Variants in EPHB2 observed in about 807,000 individuals in gnomAD.
The protein encoded by EPHB2 is EPH receptor B2, also known as ephrin type-B receptor 2.
EPHB2 carries 18 observed loss-of-function variants against 96.4 expected under a neutral mutation model. That is an observed-to-expected ratio of 0.19 (90% CI 0.13 to 0.28). The LOEUF (loss-of-function observed/expected upper bound fraction) is 0.28, where lower values mean the gene tolerates loss of function less well. Among genes scored for constraint, EPHB2 ranks in the 10% least tolerant of loss-of-function variants. EPHB2 has a pLI of 1.00. For missense variants in EPHB2, 989 were observed against 1,355.4 expected (o/e 0.73, Z 4.25); for synonymous variants, 506 against 534.1 (o/e 0.95, Z 0.72).
At position 22,863,205 on chromosome 1, in the gene EPHB2, G is replaced by C. The variant is rs1394171667; in HGVS notation, c.967+13G>C. On this transcript the variant is annotated intron_variant, in intron 4 of 15. Coordinates refer to ENST00000374630, the MANE Select transcript of EPHB2 (RefSeq NM_017449.5). ...ATGCCCTGCACAAGTAAGTCCTAGGGCCCCTCAAGGGCGATGGCTGGCCGA... is the reference window on the plus strand; with the variant it reads ...ATGCCCTGCACAAGTAAGTCCTAGGCCCCCTCAAGGGCGATGGCTGGCCGA... The C allele has an allele frequency of 6.2e-7, 1 of 1,614,092 alleles. No homozygotes were observed. The highest frequency in any genetic ancestry group is 1.7e-5 in the Admixed American group (1 of 60,018).
chr1:22,827,637 C>G (rs1008426185), intron 3 of EPHB2, among the ~76,000 whole-genome samples: 5 of 152,212 alleles, frequency 3.3e-5, no homozygotes, highest in Non-Finnish European at 7.3e-5. Flanking sequence ...ATTTAGGAGA[C>G]TCATGTAAAG....
chr1:22,735,111 C>T lies in EPHB2; in HGVS notation c.61+24068C>T, dbSNP rs563089879. On this transcript the variant is annotated intron_variant, in intron 1 of 15. Transcript: ENST00000374630. ...GTGGGGCATGGTGTGGGAGCATCTTCCTGAGGCTGCTGTTAAGAACAAGGA... is the reference window on the plus strand; with the variant it reads ...GTGGGGCATGGTGTGGGAGCATCTTTCTGAGGCTGCTGTTAAGAACAAGGA... Among the ~76,000 whole-genome samples the T allele has an allele frequency of 8.5e-5, 13 of 152,210 alleles. No homozygotes were observed. In the East Asian group the frequency reaches 2.5e-3, roughly 29 times the overall value.
rs1638417273 is a variant in EPHB2, at chr1:22,864,929, C to T, written c.1020C>T (p.Leu340=). The stretch of plus-strand genomic sequence containing the variant: ...TTTCCAGTGTCAATGAGACCTCCCT[C>T]ATGCTGGAGTGGACCCCTCCCCGCG... ...AVISSVNETS[L]MLEWTPPRDS... Residue 340 remains leucine (L), a synonymous_variant, in exon 5 of 16, where the codon CTC becomes CTT. Transcript: ENST00000374630. 1 of 1,607,246 alleles carries T rather than the reference C, an allele frequency of 6.2e-7. No individual in the cohort carries two copies. Among genetic ancestry groups the T allele is most frequent in the Non-Finnish European group, 8.5e-7 (1 of 1,176,690 alleles).
intron 3 of EPHB2, among the ~76,000 whole-genome samples, chr1:22,802,223 G>C (rs7530478): frequency 0.87 from 132,796 of 152,088 alleles, 58,567 homozygotes; most frequent in Non-Finnish European, 0.94. Flanking sequence ...TGATGGCCCA[G>C]TTGGGTTATT....
At position 22,895,520 on chromosome 1, in the gene EPHB2, C is replaced by T. The variant is rs1167996030; in HGVS notation, c.1640C>T (p.Ser547Phe). ...IQEKLPLIIG[S>F]SAAGLVFLIA... ...GAGAAGTTGCCACTCATCATCGGCT[C>T]CTCGGCCGCTGGCCTGGTCTTCCTC... The change falls in exon 8 of 16, where the codon TCC becomes TTC. Residue 547 changes from serine (S) to phenylalanine (F), a missense_variant. Coordinates refer to ENST00000374630, the MANE Select transcript of EPHB2 (RefSeq NM_017449.5). 2 of 1,614,148 alleles carry T rather than the reference C, an allele frequency of 1.2e-6. No homozygotes were observed. The highest frequency in any genetic ancestry group is 1.3e-5 in the African/African-American group (1 of 74,960).
intron 3 of EPHB2, among the ~76,000 whole-genome samples, chr1:22,807,227 C>G (rs1375769991): frequency 1.3e-5 from 2 of 152,204 alleles, no homozygotes; most frequent in African/African-American, 2.4e-5. Context: ...CTGACTTGGG[C>G]ACTGTAGGGT....
Position 22,896,947 on chromosome 1 carries a change from T to A in EPHB2, c.1765+469T>A, listed in dbSNP as rs116978963. ...TAGACATATTTGCAGAATAAATAAA[T>A]GAATCAAACTGAATAAATAAGATGA... On this transcript the variant is annotated intron_variant, in intron 9 of 15. Coordinates refer to ENST00000374630, the MANE Select transcript of EPHB2 (RefSeq NM_017449.5). Among the ~76,000 whole-genome samples the A allele has an allele frequency of 8.6e-4, 131 of 152,272 alleles. 1 individual carries two copies. The East Asian group carries it at 0.023, about 27-fold the overall frequency.
In EPHB2 at chr1:22,921,144, G is replaced by A. The variant is rs1640387410; in HGVS notation, c.*7574G>A. On this transcript the variant is annotated 3_prime_UTR_variant, in exon 16 of 16. Coordinates refer to ENST00000374630, the MANE Select transcript of EPHB2 (RefSeq NM_017449.5). ...CCCTGGAGCTGCTGTCAGAGCCATG[G>A]GCTGTGGGAGTGAGTGTGCACACTC... is the stretch of plus-strand genomic sequence containing the variant. 1 of 152,348 alleles carries A rather than the reference G, an allele frequency of 6.6e-6. No homozygotes were observed. Among genetic ancestry groups the A allele is most frequent in the Non-Finnish European group, 1.5e-5 (1 of 68,140 alleles). 9.4% of individuals were successfully genotyped at this position (152,348 alleles called of 1,614,324 possible).
intron 1 of EPHB2, among the ~76,000 whole-genome samples, chr1:22,720,905 T>C (rs1421830370): frequency 4.6e-5 from 7 of 152,128 alleles, no homozygotes; most frequent in Non-Finnish European, 1.0e-4. Flanking sequence ...GCTGGTGGGA[T>C]TGAACTGAAA....
intron 3 of EPHB2, among the ~76,000 whole-genome samples, chr1:22,834,703 T>C (rs1367388657): frequency 6.6e-6 from 1 of 151,836 alleles, no homozygotes; most frequent in African/African-American, 2.4e-5. Context: ...GGTGGGCGGA[T>C]CACTTGAGGG....
chr1:22,845,424 A>G (rs556746893), intron 3 of EPHB2, among the ~76,000 whole-genome samples: 10 of 152,160 alleles, frequency 6.6e-5, no homozygotes, highest in Non-Finnish European at 1.5e-4. Flanking sequence ...GTCAGAGAAA[A>G]TAAGCTAGGA....
chr1:22,870,139 C>T (rs1202555410), intron 5 of EPHB2, among the ~76,000 whole-genome samples: 1 of 152,122 alleles, frequency 6.6e-6, no homozygotes, highest in Non-Finnish European at 1.5e-5. Flanking sequence ...AGCTCATTGC[C>T]TTAAAAGGAA....
chr1:22,806,225 C>A (rs1027351695), intron 3 of EPHB2, among the ~76,000 whole-genome samples: 8 of 152,196 alleles, frequency 5.3e-5, no homozygotes, highest in Admixed American at 4.6e-4. Flanking sequence ...CAGTAATCAC[C>A]CCCCTTTTAC....
At chr1:22,811,380 A>G (rs1424845908) in intron 3 of EPHB2, among the ~76,000 whole-genome samples, 1 of 152,184 alleles carries the variant, frequency 6.6e-6, no homozygotes, top group African/African-American at 2.4e-5. Context: ...CGCCCACTCC[A>G]TCAGTCCCCA....
chr1:22,827,374 G>T (rs1276595984), intron 3 of EPHB2, among the ~76,000 whole-genome samples: 1 of 152,260 alleles, frequency 6.6e-6, no homozygotes, highest in Non-Finnish European at 1.5e-5. Flanking sequence ...CACAGCAGGG[G>T]CCCGCAGGAG....
intron 1 of EPHB2, among the ~76,000 whole-genome samples, chr1:22,715,213 C>T (rs1005617586): frequency 6.6e-6 from 1 of 152,172 alleles, no homozygotes; most frequent in Admixed American, 6.5e-5. Context: ...GAGGGAAGTC[C>T]ATCTGGCAGA....
At chr1:22,857,378 G>C (rs1645716304) in intron 3 of EPHB2, among the ~76,000 whole-genome samples, 1 of 152,118 alleles carries the variant, frequency 6.6e-6, no homozygotes, top group Admixed American at 6.6e-5. Flanking sequence ...CCGCCTAAAA[G>C]TGGGCACACA....
rs1442796940 is a variant in EPHB2 at position 22,875,487 on chromosome 1, G to A, written c.1304-6872G>A. Among the ~76,000 whole-genome samples the A allele has an allele frequency of 6.6e-6, 1 of 152,184 alleles. No homozygotes were observed. Among genetic ancestry groups the A allele is most frequent in the Non-Finnish European group, 1.5e-5 (1 of 68,040 alleles). On this transcript the variant is annotated intron_variant, in intron 5 of 15. Transcript: ENST00000374630. This position sits in a 1 kb window ranked among gnomAD's most constrained non-coding sequence, Gnocchi z 4.2. Reference sequence around the variant, plus strand: ...AGAGGGAAACTGCCTTCCGCTGGCTGCTTGGGAAGTACTGCCTGGGGCCTT... The same window carrying A: ...AGAGGGAAACTGCCTTCCGCTGGCTACTTGGGAAGTACTGCCTGGGGCCTT...
intron 3 of EPHB2, among the ~76,000 whole-genome samples, chr1:22,799,720 C>T (rs1038890896): frequency 2.0e-5 from 3 of 152,116 alleles, no homozygotes; most frequent in African/African-American, 7.2e-5. Context: ...GAACACAGGT[C>T]GTTTGGTGGA....
Sources: gnomAD v4.1 joint callset for allele counts (sites outside exome capture counted in the v4.1 genomes callset) on GRCh38, gnomAD v4.1.1 for gene constraint, Gnocchi (gnomAD v3.1) non-coding constraint, MANE v1.5 for transcripts, NCBI Gene and HGNC (gene_info 2026-07-23, HGNC 2026-07-21) for gene names.